PTPN14: variants seen among roughly 807,000 people sequenced by gnomAD.
PTPN14 encodes tyrosine-protein phosphatase non-receptor type 14.
Under a neutral mutation model 126.8 loss-of-function variants are expected in PTPN14, and 53 were observed. The ratio of observed to expected loss-of-function variants is 0.42; its 90% CI spans 0.34 to 0.53. PTPN14 has a LOEUF of 0.53. PTPN14 is among the 20% of genes least tolerant of loss of function. The probability of loss-of-function intolerance (pLI) is 0.08; values close to 1 mark genes in which losing one functional copy is unlikely to be tolerated. For synonymous variants in PTPN14, 630 were observed against 599.3 expected, an observed-to-expected ratio of 1.05 and a Z score of -0.75; for missense variants, 1,257 against 1,552.9, an observed-to-expected ratio of 0.81 and a Z score of 3.20.
At chr1:214,474,030 T>C (rs78953498) in intron 1 of PTPN14, among the ~76,000 whole-genome samples, 2,679 of 152,294 alleles carry the variant, frequency 0.018, 66 homozygotes, top group African/African-American at 0.061. Context: ...CCCTCCTAAC[T>C]CACTTTTAGT....
At chr1:214,485,750 G>T (rs946090444) in intron 1 of PTPN14, among the ~76,000 whole-genome samples, 1 of 151,750 alleles carries the variant, frequency 6.6e-6, no homozygotes, top group African/African-American at 2.4e-5. Context: ...TTTTGAGACG[G>T]AGTCTCGCTC....
At chr1:214,367,307 T>C (rs1047873353) in intron 17 of PTPN14, among the ~76,000 whole-genome samples, 2 of 152,190 alleles carry the variant, frequency 1.3e-5, no homozygotes, top group African/African-American at 4.8e-5. Context: ...TCACGAGTCC[T>C]CTCTGGATCT....
intron 4 of PTPN14, among the ~76,000 whole-genome samples, chr1:214,413,605 A>T (rs574629505): frequency 5.9e-5 from 9 of 152,294 alleles, no homozygotes; most frequent in African/African-American, 2.2e-4. Flanking sequence ...CAAGAAAATG[A>T]CTAAAAGGAA....
intron 1 of PTPN14, among the ~76,000 whole-genome samples, chr1:214,512,911 T>A (rs192129768): frequency 6.6e-6 from 1 of 152,002 alleles, no homozygotes; most frequent in Admixed American, 6.6e-5. Flanking sequence ...AGGCTGGTCT[T>A]GAACTCCTAG....
chr1:214,447,381 C>T (rs745952359), intron 3 of PTPN14, among the ~76,000 whole-genome samples: 36 of 152,066 alleles, frequency 2.4e-4, no homozygotes, highest in African/African-American at 7.2e-4. Flanking sequence ...AACACCACAC[C>T]GAGAAAACTC....
intron 7 of PTPN14, among the ~76,000 whole-genome samples, chr1:214,399,779 T>C (rs1243227676): frequency 6.6e-6 from 1 of 152,232 alleles, no homozygotes; most frequent in Non-Finnish European, 1.5e-5. Flanking sequence ...CTAATTCTTT[T>C]ATCTCCTGTC....
intron 4 of PTPN14, 23 bp downstream of exon 4, chr1:214,414,606 T>C (rs1659383913): frequency 5.7e-6 from 9 of 1,588,312 alleles, no homozygotes; most frequent in Non-Finnish European, 7.8e-6. Flanking sequence ...GAATTTCACA[T>C]GCTGCTCATA....
intron 1 of PTPN14, 79 bp from the exon 2 acceptor site, chr1:214,465,036 CCCCCCCCCCCCCCCACCCCG>C (rs1306685730): frequency 8.2e-6 from 2 of 244,582 alleles, no homozygotes; most frequent in East Asian, 1.2e-4. Flanking sequence ...CACACAGAAG[CCCCCCCCCCCCCCCACCCCG>C]CCAAACAGAT....
In PTPN14 at chr1:214,383,421, C is replaced by T. The variant is rs1204270584; in HGVS notation, c.2434G>A (p.Asp812Asn). The T allele has an allele frequency of 1.4e-5, 23 of 1,614,132 alleles. No homozygotes were observed. The highest frequency in any genetic ancestry group is 2.7e-5 in the African/African-American group (2 of 74,940). ...ACCCGCTCCTTCACACTAGTCAGGTCGGGTTCCGAGATGGATGGGCCGAGA... is the reference window on the plus strand; with the variant it reads ...ACCCGCTCCTTCACACTAGTCAGGTTGGGTTCCGAGATGGATGGGCCGAGA... ...ASLGPSISEP[D>N]LTSVKERVKK... is the part of the protein sequence containing the mutation. The change falls in exon 13 of 19, where the codon GAC becomes AAC. Residue 812 changes from aspartate to asparagine, a missense_variant. By Grantham distance (23) the Asp-to-Asn change is conservative (BLOSUM62 1). Transcript: ENST00000366956. This position sits in a 1 kb window ranked among gnomAD's most constrained non-coding sequence, Gnocchi z 4.4.
At chr1:214,506,037 A>C (rs978377940) in intron 1 of PTPN14, among the ~76,000 whole-genome samples, 4 of 152,214 alleles carry the variant, frequency 2.6e-5, no homozygotes, top group Non-Finnish European at 5.9e-5. Context: ...GTAACCATGC[A>C]TCCACTGCTT....
At chr1:214,400,257 C>G (rs997059692) in intron 7 of PTPN14, among the ~76,000 whole-genome samples, 1 of 152,218 alleles carries the variant, frequency 6.6e-6, no homozygotes, top group Non-Finnish European at 1.5e-5. Flanking sequence ...TACCACCCCC[C>G]ACTGGTACTG....
At chr1:214,517,364 T>G (rs1221622937) in intron 1 of PTPN14, among the ~76,000 whole-genome samples, 1 of 151,744 alleles carries the variant, frequency 6.6e-6, no homozygotes, top group Non-Finnish European at 1.5e-5. Flanking sequence ...AGCCTTCAAG[T>G]ATGTCTCCTT....
intron 1 of PTPN14, among the ~76,000 whole-genome samples, chr1:214,468,874 C>A (rs899537450): frequency 6.6e-6 from 1 of 152,148 alleles, no homozygotes; most frequent in African/African-American, 2.4e-5. Context: ...TGTCTGAATT[C>A]CCACAGCCAT....
At chr1:214,439,425 T>C (rs1211553825) in intron 3 of PTPN14, among the ~76,000 whole-genome samples, 1 of 152,224 alleles carries the variant, frequency 6.6e-6, no homozygotes, top group Non-Finnish European at 1.5e-5. Flanking sequence ...CATTGCTTCA[T>C]CTCTGTGATT....
intron 1 of PTPN14, among the ~76,000 whole-genome samples, chr1:214,523,411 C>T (rs1364582959): frequency 3.9e-5 from 6 of 152,066 alleles, no homozygotes; most frequent in African/African-American, 1.2e-4. Flanking sequence ...CTCTATGTTT[C>T]GATACACAGA....
intron 2 of PTPN14, among the ~76,000 whole-genome samples, chr1:214,458,978 TG>T (rs11319078): frequency 0.83 from 125,890 of 151,914 alleles, 52,276 homozygotes; most frequent in African/African-American, 0.89. Flanking sequence ...TCTCTGGAAT[TG>T]TCTTTGTTAA....
Position 214,380,934 on chromosome 1 carries a change from G to A in PTPN14, c.2544+2377C>T, listed in dbSNP as rs539841964. Among the ~76,000 whole-genome samples the A allele has an allele frequency of 1.1e-4, 17 of 152,212 alleles. No individual in the cohort carries two copies. The East Asian group carries it at 3.3e-3, about 29-fold the overall frequency. On this transcript the variant is annotated intron_variant, in intron 13 of 18. Transcript: ENST00000366956. ...TCCTAATCCAACTCTAAGGTCTGCC[G>A]GTGTCCTTGAGCTCCTGAGTGTAGC...
At chr1:214,451,690 C>T (rs1660275070) in intron 3 of PTPN14, 115 bp downstream of exon 3, 1 of 1,234,730 alleles carries the variant, frequency 8.1e-7, no homozygotes, top group Non-Finnish European at 1.1e-6. Flanking sequence ...TCTCCCCCAC[C>T]ACACACCCGC....
intron 3 of PTPN14, among the ~76,000 whole-genome samples, chr1:214,427,455 A>G (rs1200178836): frequency 6.6e-6 from 1 of 152,230 alleles, no homozygotes; most frequent in African/African-American, 2.4e-5. Flanking sequence ...TCATTTAAAA[A>G]GTAAACCAAC....
Sources: allele counts gnomAD v4.1 joint callset (sites outside exome capture counted in the v4.1 genomes callset), GRCh38; gene constraint gnomAD v4.1.1; non-coding constraint Gnocchi (gnomAD v3.1); transcripts MANE v1.5; gene names NCBI Gene and HGNC (gene_info 2026-07-23, HGNC 2026-07-21).